The following COL4A4 variants were observed in gnomAD, a reference collection of about 807,000 sequenced individuals.
COL4A4 encodes the protein collagen type IV alpha 4 chain, also known as collagen alpha-4(IV) chain.
Under a neutral mutation model 192.9 loss-of-function variants are expected in COL4A4, and 105 were observed. The ratio of observed to expected loss-of-function variants is 0.54; its 90% CI spans 0.46 to 0.64. The LOEUF is 0.64. COL4A4 is among the 30% of genes least tolerant of loss of function. COL4A4 has a pLI of 0.00. For synonymous variants in COL4A4, 762 were observed against 769.9 expected, an observed-to-expected ratio of 0.99 and a Z score of 0.17; for missense variants, 1,967 against 2,169.3, an observed-to-expected ratio of 0.91 and a Z score of 1.85.
At chr2:226,976,710 G>A in the COL4A4 span, among the ~76,000 whole-genome samples, 91 of 152,136 alleles carry the variant, frequency 6.0e-4, no homozygotes, top group African/African-American at 2.1e-3. Context: ...GTACCTTAAC[G>A]GGGCCTGGGT....
intron 27 of COL4A4, 132 bp downstream of exon 27, chr2:227,060,004 C>A (rs1976490597): frequency 4.4e-6 from 3 of 681,620 alleles, no homozygotes; most frequent in Admixed American, 5.6e-5. Flanking sequence ...CAAGAAACAC[C>A]ATTTCCCTAT....
intron 18 of COL4A4, among the ~76,000 whole-genome samples, chr2:227,099,327 A>G (rs1576491059): frequency 1.3e-5 from 2 of 152,212 alleles, no homozygotes; most frequent in Non-Finnish European, 2.9e-5. Flanking sequence ...TCAGCCTTCC[A>G]AAGTACTAGA....
rs1328089313 is a variant in COL4A4, at chr2:227,120,997, C to G, written c.327+17G>C. 6.2e-7 allele frequency: 1 copy of G among 1,613,920 alleles called. No individual in the cohort carries two copies. ...GGTGAGTCTTTCATGTGAATCTCCA[C>G]ATAAGATGTGGCTTACCTTATCTCC... is the stretch of plus-strand genomic sequence containing the variant. On this transcript the variant is annotated intron_variant, in intron 5 of 47. Transcript: ENST00000396625.
chr2:227,060,113 A>AAAAAAAC, intron 27 of COL4A4, 23 bp downstream of exon 27: 1 of 1,269,950 alleles, frequency 7.9e-7, no homozygotes, highest in African/African-American at 1.5e-5. Context: ...AAAAAAAAAA[A>AAAAAAAC]AAAAAAAAAA....
intron 25 of COL4A4, among the ~76,000 whole-genome samples, chr2:227,074,417 T>A (rs1291837923): frequency 6.6e-6 from 1 of 152,102 alleles, no homozygotes. Flanking sequence ...TTGGCATGGA[T>A]GTGGAGAAAA....
At chr2:227,136,585 C>G (rs2062828556) in intron 4 of COL4A4, among the ~76,000 whole-genome samples, 1 of 152,096 alleles carries the variant, frequency 6.6e-6, no homozygotes, top group South Asian at 2.1e-4. Context: ...AGGAGGCCCC[C>G]CTTGATTCTC....
Position 227,045,913 on chromosome 2 carries a change from A to G in COL4A4, c.3289+1562T>C, listed in dbSNP as rs1190376306. ...ATATATTTAGATAGTATATATATGT[A>G]TGTATATGTATATGTATATATGTAT... On this transcript the variant is annotated intron_variant, in intron 35 of 47. Coordinates refer to ENST00000396625, the MANE Select transcript of COL4A4 (RefSeq NM_000092.5). 3.7e-4 allele frequency among the ~76,000 whole-genome samples: 33 copies of G among 90,298 alleles called. 8 individuals carry two copies. Among genetic ancestry groups the G allele is most frequent in the African/African-American group, 1.7e-3 (32 of 18,880 alleles). The allele number at this position is 90,298 out of a possible 152,430, so 59.2% of individuals were successfully genotyped here. A position where few individuals can be genotyped will look rare whatever the true frequency, so the allele number is the denominator to read the frequency against.
chr2:227,009,049 GAGA>G (rs1283377311), intron 46 of COL4A4, among the ~76,000 whole-genome samples: 6 of 152,214 alleles, frequency 3.9e-5, no homozygotes, highest in Non-Finnish European at 8.8e-5. Context: ...GGCAGAGGGA[GAGA>G]AGGAGAGAAG....
chr2:227,028,413 G>C (rs1010288330), intron 41 of COL4A4, among the ~76,000 whole-genome samples: 10 of 152,132 alleles, frequency 6.6e-5, no homozygotes, highest in Admixed American at 2.6e-4. Flanking sequence ...CAACAGTTCA[G>C]TTCCTCATAC....
chr2:227,116,083 G>T (rs73082234), intron 7 of COL4A4, among the ~76,000 whole-genome samples: 1,985 of 152,334 alleles, frequency 0.013, 39 homozygotes, highest in African/African-American at 0.045. Flanking sequence ...CAGCTGAGGA[G>T]TTGGGAGATC....
chr2:227,069,486 A>C (rs906930345), intron 25 of COL4A4, among the ~76,000 whole-genome samples: 8 of 151,818 alleles, frequency 5.3e-5, no homozygotes, highest in Admixed American at 2.0e-4. Context: ...AGGCTACAGT[A>C]ACCAAAACAG....
chr2:227,107,882 C>T (rs535382140), intron 12 of COL4A4, among the ~76,000 whole-genome samples: 6 of 151,718 alleles, frequency 4.0e-5, no homozygotes, highest in East Asian at 1.9e-4. Flanking sequence ...TTCAGCCTCC[C>T]GAGTACCTGG....
rs142725002 is a variant in COL4A4, at chr2:227,075,336, T to C, written c.1987+2558A>G. On this transcript the variant is annotated intron_variant, in intron 25 of 47. Transcript: ENST00000396625. ...TCTGGGATGCAAGGCTGGTTCAACA[T>C]ATGCAAATCAATAAACATAATTCAT... 4.4e-3 allele frequency among the ~76,000 whole-genome samples: 666 copies of C among 152,292 alleles called. 7 individuals carry two copies. Among genetic ancestry groups the C allele is most frequent in the African/African-American group, 0.015 (610 of 41,574 alleles).
intron 12 of COL4A4, among the ~76,000 whole-genome samples, chr2:227,104,861 G>T (rs532469469): frequency 6.6e-6 from 1 of 150,854 alleles, no homozygotes; most frequent in African/African-American, 2.4e-5. Flanking sequence ...GGCTGGTCTC[G>T]AACTCCGGAC....
intron 8 of COL4A4, among the ~76,000 whole-genome samples, chr2:227,113,230 G>T (rs937324002): frequency 5.3e-5 from 8 of 152,032 alleles, no homozygotes; most frequent in Non-Finnish European, 1.0e-4. Context: ...TGCTAGATTT[G>T]TTTTTTTTAT....
chr2:226,975,596 G>A, the COL4A4 span, among the ~76,000 whole-genome samples: 1 of 152,118 alleles, frequency 6.6e-6, no homozygotes, highest in South Asian at 2.1e-4. Flanking sequence ...TACAGAAGAG[G>A]GGAATCTGCT....
chr2:226,988,778 A>G, the COL4A4 span: 7 of 854,244 alleles, frequency 8.2e-6, no homozygotes, highest in Non-Finnish European at 9.8e-6. Flanking sequence ...AGAAGTTACA[A>G]ACTGTTCTCT....
intron 44 of COL4A4, among the ~76,000 whole-genome samples, chr2:227,013,583 C>T (rs759526401): frequency 2.8e-4 from 43 of 152,178 alleles, no homozygotes; most frequent in Admixed American, 1.4e-3. Flanking sequence ...CATCCGCAAG[C>T]CACGGAGGGA....
At chr2:227,077,417 C>T (rs1351650558) in intron 25 of COL4A4, among the ~76,000 whole-genome samples, 1 of 152,138 alleles carries the variant, frequency 6.6e-6, no homozygotes, top group East Asian at 1.9e-4. Context: ...CGCATGTTCT[C>T]GCTCATAAGT....
Sources: gnomAD v4.1 joint callset for allele counts (sites outside exome capture counted in the v4.1 genomes callset) on GRCh38, gnomAD v4.1.1 for gene constraint, MANE v1.5 for transcripts, NCBI Gene and HGNC (gene_info 2026-07-23, HGNC 2026-07-21) for gene names.